The following SHPRH variants were observed in gnomAD, a reference collection of about 807,000 sequenced individuals.
SHPRH encodes the protein SNF2 histone linker PHD RING helicase.
In SHPRH, 106 loss-of-function variants were observed where a neutral mutation model predicts 202.5. The ratio of observed to expected loss-of-function variants is 0.52; its 90% CI spans 0.45 to 0.62. The LOEUF is 0.62. Ranked by LOEUF, SHPRH falls within the 20% of genes least tolerant of loss-of-function variation. The pLI is 0.00. For missense variants in SHPRH, 1,710 were observed against 2,020.0 expected, an observed-to-expected ratio of 0.85 and a Z score of 2.94; for synonymous variants, 729 against 686.0, an observed-to-expected ratio of 1.06 and a Z score of -0.98.
chr6:145,893,960 T>C (rs1781789526), intron 27 of SHPRH, among the ~76,000 whole-genome samples, 190 bp downstream of exon 27: 1 of 151,892 alleles, frequency 6.6e-6, no homozygotes, highest in Non-Finnish European at 1.5e-5. Flanking sequence ...AAAAAACCAA[T>C]GGTCTTGTTA....
intron 28 of SHPRH, among the ~76,000 whole-genome samples, chr6:145,891,382 G>C (rs1205258734): frequency 6.6e-6 from 1 of 152,106 alleles, no homozygotes; most frequent in African/African-American, 2.4e-5. Context: ...TCCTTGCTCA[G>C]ACTTTCTCAA....
rs753030632 is a variant in SHPRH, at chr6:145,934,966, G to C, written c.2931C>G (p.Leu977=). The change falls in exon 13 of 30, where the codon CTC becomes CTG. Residue 977 remains leucine, a synonymous_variant. Coordinates refer to ENST00000275233, the MANE Select transcript of SHPRH (RefSeq NM_001042683.3). ...VTSILYPLLR[L]RQACCHPQAV... is the part of the protein sequence containing the mutation. Reference sequence around the variant, plus strand: ...CCTGTGGGTGACAGCAGGCCTGTCTGAGCCTCAGCAATGGATACAGGATAG... The same window carrying C: ...CCTGTGGGTGACAGCAGGCCTGTCTCAGCCTCAGCAATGGATACAGGATAG... 1 of 1,613,928 alleles carries C rather than the reference G, an allele frequency of 6.2e-7. No individual in the cohort carries two copies. The highest frequency in any genetic ancestry group is 2.2e-5 in the East Asian group (1 of 44,858).
intron 14 of SHPRH, among the ~76,000 whole-genome samples, chr6:145,927,879 G>A (rs1219741526): frequency 2.0e-5 from 3 of 151,818 alleles, no homozygotes; most frequent in Non-Finnish European, 4.4e-5. Context: ...GATGTATGCT[G>A]TTTTCTACTG....
At position 145,943,213 on chromosome 6, in the gene SHPRH, G is replaced by A; in HGVS notation, c.2168C>T (p.Pro723Leu). ...VSTRATLIIS[P>L]SSICHQWVDE... ...CACCCACTGGTGACAGATGGAACTT[G>A]GAGAGATGATCAGAGTTGCTCTTGT... Residue 723 changes from proline (P) to leucine (L), a missense_variant, in exon 9 of 30, where the codon CCA becomes CTA. Physicochemically the swap from Pro to Leu is moderately conservative, Grantham distance 98. Transcript: ENST00000275233. The A allele has an allele frequency of 6.2e-7, 1 of 1,613,766 alleles. No individual in the cohort carries two copies. Among genetic ancestry groups the A allele is most frequent in the Non-Finnish European group, 8.5e-7 (1 of 1,179,826 alleles).
In SHPRH at chr6:145,910,654, C is replaced by A; in HGVS notation, c.4327-18G>T. The A allele has an allele frequency of 5.0e-6, 8 of 1,590,780 alleles. No homozygotes were observed. The highest frequency in any genetic ancestry group is 6.9e-6 in the Non-Finnish European group (8 of 1,165,654). On this transcript the variant is annotated intron_variant, in intron 24 of 29. Coordinates refer to ENST00000275233, the MANE Select transcript of SHPRH (RefSeq NM_001042683.3). ...ACCGCCCACTAAAAAGAAAACAGAA[C>A]AAGCCTTAGTGCTATCAAAGATGCC...
intron 14 of SHPRH, among the ~76,000 whole-genome samples, chr6:145,932,639 A>G (rs943673546): frequency 3.3e-5 from 5 of 152,172 alleles, no homozygotes; most frequent in Admixed American, 6.5e-5. Flanking sequence ...ATATTTGCTG[A>G]AAAAATGATC....
intron 25 of SHPRH, 139 bp from the exon 26 acceptor site, chr6:145,895,116 C>CT (rs1781902232): frequency 2.9e-6 from 2 of 680,984 alleles, no homozygotes; most frequent in Non-Finnish European, 4.7e-6. Flanking sequence ...TGTGTTTACT[C>CT]TTTTTCATTT....
intron 1 of SHPRH, among the ~76,000 whole-genome samples, chr6:145,956,371 T>C (rs1290560000): frequency 6.6e-6 from 1 of 152,126 alleles, no homozygotes; most frequent in African/African-American, 2.4e-5. Context: ...AGGTATGCCA[T>C]AATTAAATTA....
chr6:145,901,373 A>G (rs748544328), intron 25 of SHPRH, among the ~76,000 whole-genome samples: 1 of 152,130 alleles, frequency 6.6e-6, no homozygotes, highest in Non-Finnish European at 1.5e-5. Context: ...CCAGCTTCTG[A>G]GAAGACTATT....
intron 2 of SHPRH, among the ~76,000 whole-genome samples, chr6:145,954,402 C>T (rs1255612335): frequency 6.6e-6 from 1 of 151,906 alleles, no homozygotes; most frequent in African/African-American, 2.4e-5. Context: ...TTTGAAAAGG[C>T]AAAATAGCAA....
At position 145,954,775 on chromosome 6, in the gene SHPRH, C is replaced by T. The variant is rs753564922; in HGVS notation, c.548G>A (p.Gly183Asp). ...KGILVESSFS[G>D]EMLEDLGWLQ... ...CCACCCCAAATCTTCTAACATTTCA[C>T]CACTGAAGGATGACTCCACCAGAAT... The change falls in exon 2 of 30, where the codon GGT becomes GAT. Residue 183 changes from glycine (G) to aspartate (D), a missense_variant. Physicochemically the swap from Gly to Asp is moderately conservative, Grantham distance 94. Transcript: ENST00000275233. 2.5e-6 allele frequency: 4 copies of T among 1,613,470 alleles called. No individual in the cohort carries two copies. In the South Asian group the frequency reaches 4.4e-5, roughly 18 times the overall value.
chr6:145,923,612 G>A, intron 18 of SHPRH, 31 bp downstream of exon 18: 1 of 1,604,792 alleles, frequency 6.2e-7, no homozygotes. Context: ...TTAAAATTAT[G>A]AGTAGATACT....
At chr6:145,863,740 AT>A (rs1270558805), downstream of SHPRH, among the ~76,000 whole-genome samples, 2 of 152,278 alleles carry the variant, frequency 1.3e-5, no homozygotes, top group Non-Finnish European at 2.9e-5. Context: ...AAGGTTTGTA[AT>A]TAGGGAAGAG....
At chr6:145,921,439 G>GA in intron 20 of SHPRH, 47 bp from the exon 21 acceptor site, 1 of 1,550,168 alleles carries the variant, frequency 6.5e-7, no homozygotes, top group Non-Finnish European at 8.9e-7. Flanking sequence ...ATCAGTGAGT[G>GA]AAAAGCAACC....
intron 13 of SHPRH, 146 bp from the exon 14 acceptor site, chr6:145,933,324 C>T: frequency 8.3e-7 from 1 of 1,200,902 alleles, no homozygotes; most frequent in Non-Finnish European, 1.1e-6. Flanking sequence ...TCAATTTTTA[C>T]CATTATTTTT....
rs554343540 is a variant in SHPRH, at chr6:145,923,552, C to T, written c.3545+91G>A. The T allele has an allele frequency of 8.8e-5, 130 of 1,480,872 alleles. No homozygotes were observed. In the East Asian group the frequency reaches 2.4e-3, roughly 28 times the overall value. 91.7% of individuals were successfully genotyped at this position (1,480,872 alleles called of 1,614,324 possible). ...AGGTTTATGAATGGAGAAAAAAAGC[C>T]GGTAATAATGAGAAATTAGAAACTA... On this transcript the variant is annotated intron_variant, in intron 18 of 29. Coordinates refer to ENST00000275233, the MANE Select transcript of SHPRH (RefSeq NM_001042683.3).
chr6:145,962,035 CCTT>C (rs1258341465), intron 1 of SHPRH, among the ~76,000 whole-genome samples: 7 of 152,220 alleles, frequency 4.6e-5, no homozygotes, highest in Non-Finnish European at 7.3e-5. Context: ...TCTTCCTCCT[CCTT>C]AATTAGCAGT....
rs1781011892 is a variant in SHPRH at position 145,886,441 on chromosome 6, C to A, written c.*250G>T. 1 of 797,058 alleles carries A rather than the reference C, an allele frequency of 1.3e-6. No homozygotes were observed. The highest frequency in any genetic ancestry group is 1.7e-5 in the African/African-American group (1 of 59,250). The allele number at this position is 797,058 out of a possible 1,614,324, so 49.4% of individuals were successfully genotyped here. A position where few individuals can be genotyped will look rare whatever the true frequency, so the allele number is the denominator to read the frequency against. On this transcript the variant is annotated 3_prime_UTR_variant, in exon 30 of 30. Coordinates refer to ENST00000275233, the MANE Select transcript of SHPRH (RefSeq NM_001042683.3). ...TCCCTTGCATCATCAGATATAGATA[C>A]TATTTGGGACAAAAAATAAATGTTT...
chr6:145,925,184 T>C (rs2128752830), intron 16 of SHPRH, among the ~76,000 whole-genome samples: 1 of 151,950 alleles, frequency 6.6e-6, no homozygotes, highest in African/African-American at 2.4e-5. Flanking sequence ...GACACCTTTC[T>C]AAAATTTGGC....
Sources: gnomAD v4.1 joint callset for allele counts (sites outside exome capture counted in the v4.1 genomes callset) on GRCh38, gnomAD v4.1.1 for gene constraint, MANE v1.5 for transcripts, NCBI Gene and HGNC (gene_info 2026-07-23, HGNC 2026-07-21) for gene names.